CTNNA2: variants seen among roughly 807,000 people sequenced by gnomAD.
CTNNA2 encodes catenin alpha-2.
In CTNNA2, 42 loss-of-function variants were observed where a neutral mutation model predicts 101.0. That is an observed-to-expected ratio of 0.42 (90% CI 0.32 to 0.54). CTNNA2 has a LOEUF of 0.54. Among genes scored for constraint, CTNNA2 ranks in the 20% least tolerant of loss-of-function variants. The pLI, the probability that CTNNA2 is intolerant of heterozygous loss-of-function variation, is 0.14. For synonymous variants in CTNNA2, 450 were observed against 456.4 expected (o/e 0.99, Z 0.18); for missense variants, 871 against 1,223.1 (o/e 0.71, Z 4.29).
In CTNNA2 at chr2:80,555,736, C is replaced by T; in HGVS notation, c.1584C>T (p.Leu528=). The T allele has an allele frequency of 6.3e-7, 1 of 1,580,164 alleles. No homozygotes were observed. Among genetic ancestry groups the T allele is most frequent in the Non-Finnish European group, 8.6e-7 (1 of 1,162,892 alleles). Residue 528 remains leucine (L), a synonymous_variant, in exon 12 of 19, where the codon CTC becomes CTT. Transcript: ENST00000402739. ...ATGTGAACAAGTGTGTGATAGCCCTCCAAGAGGGCGATGTGGACACTCTGG... is the reference window on the plus strand; with the variant it reads ...ATGTGAACAAGTGTGTGATAGCCCTTCAAGAGGGCGATGTGGACACTCTGG... ...LEDVNKCVIA[L]QEGDVDTLDR...
At chr2:80,338,701 T>A (rs572164755) in intron 7 of CTNNA2, among the ~76,000 whole-genome samples, 1 of 152,298 alleles carries the variant, frequency 6.6e-6, no homozygotes, top group South Asian at 2.1e-4. Context: ...CCAGTCCAAA[T>A]GCCCTAATAA....
intron 9 of CTNNA2, among the ~76,000 whole-genome samples, chr2:80,467,211 C>G (rs1572961588): frequency 6.6e-6 from 1 of 152,276 alleles, no homozygotes; most frequent in East Asian, 1.9e-4. Flanking sequence ...CGCGCTTCCT[C>G]ACTCTAAAAG....
At chr2:79,281,713 A>G (rs928186873) in intron 2 of CTNNA2, among the ~76,000 whole-genome samples, 3 of 152,242 alleles carry the variant, frequency 2.0e-5, no homozygotes, top group East Asian at 1.9e-4. Flanking sequence ...ACCAAAGACA[A>G]CAGCACACAC....
At chr2:79,621,127 T>C (rs1163450268) in intron 1 of CTNNA2, among the ~76,000 whole-genome samples, 1 of 152,168 alleles carries the variant, frequency 6.6e-6, no homozygotes, top group African/African-American at 2.4e-5. Context: ...TGTGGGATGA[T>C]GAATGCATTT....
chr2:80,571,361 A>G (rs1464032148), intron 12 of CTNNA2, among the ~76,000 whole-genome samples: 1 of 152,138 alleles, frequency 6.6e-6, no homozygotes, highest in African/African-American at 2.4e-5. Context: ...ATGTGATAGA[A>G]CTTTATTTTT....
chr2:80,354,804 G>C (rs921118164), intron 7 of CTNNA2, among the ~76,000 whole-genome samples: 45 of 152,164 alleles, frequency 3.0e-4, no homozygotes, highest in African/African-American at 1.0e-3. Flanking sequence ...TGCCGGTCTG[G>C]GCCCATACTC....
intron 2 of CTNNA2, among the ~76,000 whole-genome samples, chr2:79,242,390 A>G (rs1238209426): frequency 2.0e-5 from 3 of 152,016 alleles, no homozygotes; most frequent in South Asian, 2.1e-4. Flanking sequence ...TTCTTCATGG[A>G]GGTGATTTGG....
intron 7 of CTNNA2, among the ~76,000 whole-genome samples, chr2:80,366,809 A>G (rs1674977765): frequency 6.6e-6 from 1 of 152,154 alleles, no homozygotes; most frequent in Non-Finnish European, 1.5e-5. Flanking sequence ...GCTGTGACAC[A>G]GCCTTAGGAG....
chr2:80,432,994 G>A (rs899867615), intron 9 of CTNNA2, among the ~76,000 whole-genome samples: 2 of 152,096 alleles, frequency 1.3e-5, no homozygotes, highest in East Asian at 3.9e-4. Context: ...GAATGTTAAC[G>A]GCAGTGGGGC....
chr2:79,863,883 TGGAGGGGTGTCTTGCTGGA>T lies in CTNNA2; in HGVS notation c.465+5707_465+5725del, dbSNP rs1207427439. On this transcript the variant is annotated intron_variant, in intron 4 of 18. Transcript: ENST00000402739. ...TTGGATTGTTGAGGAAAGCTGTTCA[TGGAGGGGTGTCTTGCTGGA>T]GGCATTCTGCTACAGAATTGCACAG... is the stretch of plus-strand genomic sequence containing the variant. 2.0e-5 allele frequency among the ~76,000 whole-genome samples: 3 copies of T among 152,254 alleles called. No individual in the cohort carries two copies. In the East Asian group the frequency reaches 5.8e-4, roughly 30 times the overall value.
intron 18 of CTNNA2, among the ~76,000 whole-genome samples, chr2:80,647,016 C>A (rs1674170345): frequency 1.3e-5 from 2 of 152,012 alleles, no homozygotes; most frequent in African/African-American, 4.8e-5. Context: ...ATGAGAAGGT[C>A]TCACTGAATG....
intron 7 of CTNNA2, among the ~76,000 whole-genome samples, chr2:80,127,153 G>T (rs1702180942): frequency 6.6e-6 from 1 of 152,194 alleles, no homozygotes; most frequent in Admixed American, 6.5e-5. Context: ...TGATTAGGGA[G>T]CCCTGAACAG....
At chr2:79,346,841 A>G (rs1159804294) in intron 3 of CTNNA2, among the ~76,000 whole-genome samples, 1 of 152,170 alleles carries the variant, frequency 6.6e-6, no homozygotes, top group Non-Finnish European at 1.5e-5. Context: ...AGGCACCTCC[A>G]CAAAGCCCCA....
At chr2:79,787,393 G>T (rs13402062) in intron 3 of CTNNA2, among the ~76,000 whole-genome samples, 3 of 143,902 alleles carry the variant, frequency 2.1e-5, no homozygotes, top group South Asian at 2.3e-4. Flanking sequence ...AGAAGACACA[G>T]GGAGGAGTAG....
Position 80,323,067 on chromosome 2 carries a change from G to C in CTNNA2, c.1057-70144G>C, listed in dbSNP as rs191997226. On this transcript the variant is annotated intron_variant, in intron 7 of 18. Transcript: ENST00000402739. ...GTGCGTGCCCTGTCGTGGTCCCCCAGGTGCCCTGTCTCTGAGGAGTGACCA... is the reference window on the plus strand; with the variant it reads ...GTGCGTGCCCTGTCGTGGTCCCCCACGTGCCCTGTCTCTGAGGAGTGACCA... Among the ~76,000 whole-genome samples, 398 of 152,314 alleles carry C rather than the reference G, an allele frequency of 2.6e-3. 4 individuals carry two copies. The Middle Eastern group carries it at 0.027, about 10-fold the overall frequency.
intron 9 of CTNNA2, among the ~76,000 whole-genome samples, chr2:80,461,190 G>A (rs1243227351): frequency 6.6e-6 from 1 of 152,100 alleles, no homozygotes; most frequent in Non-Finnish European, 1.5e-5. Flanking sequence ...ATCCTGTTAA[G>A]TCAGTTTAGT....
intron 7 of CTNNA2, among the ~76,000 whole-genome samples, chr2:80,059,488 G>T (rs1366540629): frequency 1.3e-5 from 2 of 152,192 alleles, no homozygotes; most frequent in Non-Finnish European, 2.9e-5. Context: ...CTTCACAACT[G>T]ACAGCTTTAC....
intron 7 of CTNNA2, among the ~76,000 whole-genome samples, chr2:80,274,372 A>T (rs1222983566): frequency 6.6e-6 from 1 of 152,092 alleles, no homozygotes; most frequent in Non-Finnish European, 1.5e-5. Context: ...TTCGTGCTGG[A>T]GCTCCCACGT....
intron 7 of CTNNA2, among the ~76,000 whole-genome samples, chr2:80,153,798 G>T (rs919827857): frequency 6.6e-6 from 1 of 152,200 alleles, no homozygotes; most frequent in Non-Finnish European, 1.5e-5. Flanking sequence ...ATCATTTTGT[G>T]AAGTTGATTG....
Sources: gnomAD v4.1 joint callset for allele counts (sites outside exome capture counted in the v4.1 genomes callset) on GRCh38, gnomAD v4.1.1 for gene constraint, MANE v1.5 for transcripts, NCBI Gene and HGNC (gene_info 2026-07-23, HGNC 2026-07-21) for gene names.